FAM169A: variants seen among roughly 807,000 people sequenced by gnomAD.
The protein encoded by FAM169A is soluble lamin-associated protein of 75 kDa.
A neutral mutation model predicts 75.7 loss-of-function variants in FAM169A; 24 were observed. The ratio of observed to expected loss-of-function variants is 0.32; its 90% CI spans 0.23 to 0.45. The LOEUF (loss-of-function observed/expected upper bound fraction) is 0.45. Among genes scored for constraint, FAM169A ranks in the 20% least tolerant of loss-of-function variants. The probability of loss-of-function intolerance (pLI) is 1.00; values close to 1 mark genes in which losing one functional copy is unlikely to be tolerated. For missense variants in FAM169A, 673 were observed against 784.0 expected (o/e 0.86, Z 1.69); for synonymous variants, 271 against 271.0 (o/e 1.00, Z 0.00).
At chr5:74,829,520 T>C (rs1748201940) in intron 5 of FAM169A, among the ~76,000 whole-genome samples, 1 of 152,122 alleles carries the variant, frequency 6.6e-6, no homozygotes, top group South Asian at 2.1e-4. Context: ...ATAGCAAGAT[T>C]TCCTTCCTTA....
rs765403803 is a variant in FAM169A at position 74,781,964 on chromosome 5, T to C, written c.1509A>G (p.Thr503=). ...PDSEMLMDEG[T]SDEKGHMEEK... ...CTTCCATGTGCCCCTTTTCATCAGA[T>C]GTGCCTTCATCCATCAACATTTCTG... The change falls in exon 13 of 13, where the codon ACA becomes ACG. Residue 503 remains threonine, a synonymous_variant. Coordinates refer to ENST00000687041, the MANE Select transcript of FAM169A (RefSeq NM_001376049.1). 6.2e-7 allele frequency: 1 copy of C among 1,614,030 alleles called. No individual in the cohort carries two copies. The highest frequency in any genetic ancestry group is 1.1e-5 in the South Asian group (1 of 91,082).
intron 5 of FAM169A, among the ~76,000 whole-genome samples, chr5:74,828,486 C>G (rs759428456): frequency 2.6e-4 from 40 of 152,096 alleles, no homozygotes; most frequent in Non-Finnish European, 5.1e-4. Context: ...ATGTTGCCAC[C>G]ATACCTGAAA....
At chr5:74,832,310 T>C (rs1456608306) in intron 5 of FAM169A, among the ~76,000 whole-genome samples, 1 of 151,864 alleles carries the variant, frequency 6.6e-6, no homozygotes, top group African/African-American at 2.4e-5. Context: ...ACAAACAAAC[T>C]GTAAGTCTCT....
chr5:74,792,617 C>G (rs1214494167), intron 11 of FAM169A, among the ~76,000 whole-genome samples: 1 of 152,132 alleles, frequency 6.6e-6, no homozygotes, highest in East Asian at 1.9e-4. Context: ...ATAAACTCCC[C>G]TTTATATACA....
intron 6 of FAM169A, among the ~76,000 whole-genome samples, chr5:74,812,386 T>TA (rs914672383): frequency 4.0e-5 from 6 of 151,536 alleles, no homozygotes; most frequent in Admixed American, 3.3e-4. Flanking sequence ...CTCGGGCTCC[T>TA]AAAGTGCTAG....
At chr5:74,852,136 A>T (rs1280669329) in intron 1 of FAM169A, among the ~76,000 whole-genome samples, 1 of 152,218 alleles carries the variant, frequency 6.6e-6, no homozygotes, top group Non-Finnish European at 1.5e-5. Context: ...CTGCTGAGTC[A>T]CAATCCCCAT....
At chr5:74,798,762 T>C (rs1326145974) in intron 10 of FAM169A, among the ~76,000 whole-genome samples, 1 of 152,206 alleles carries the variant, frequency 6.6e-6, no homozygotes, top group African/African-American at 2.4e-5. Flanking sequence ...AAGTGTTCTG[T>C]TGATTCAGTT....
intron 1 of FAM169A, among the ~76,000 whole-genome samples, chr5:74,845,523 A>C (rs933011678): frequency 1.3e-5 from 2 of 152,310 alleles, no homozygotes; most frequent in East Asian, 3.9e-4. Flanking sequence ...GTCTCAAAAA[A>C]TACAAATAAA....
chr5:74,847,612 C>T (rs896945859), intron 1 of FAM169A, among the ~76,000 whole-genome samples: 2 of 152,032 alleles, frequency 1.3e-5, no homozygotes, highest in Admixed American at 6.6e-5. Context: ...ATTAAATTTC[C>T]TATAATTTAA....
intron 5 of FAM169A, among the ~76,000 whole-genome samples, chr5:74,824,017 G>A (rs1350885594): frequency 6.6e-6 from 1 of 152,174 alleles, no homozygotes; most frequent in Admixed American, 6.5e-5. Flanking sequence ...ATAGCCCCTA[G>A]TAAAAGGTCT....
chr5:74,788,753 A>G (rs1356162664), intron 11 of FAM169A, among the ~76,000 whole-genome samples: 1 of 152,022 alleles, frequency 6.6e-6, no homozygotes, highest in Non-Finnish European at 1.5e-5. Context: ...ACAATATCGC[A>G]TCCCTGGAGG....
chr5:74,807,428 G>A (rs1185790721), intron 6 of FAM169A, among the ~76,000 whole-genome samples: 1 of 152,176 alleles, frequency 6.6e-6, no homozygotes, highest in Admixed American at 6.5e-5. Context: ...CCACTGCCCA[G>A]CTTCATGAGA....
In FAM169A at chr5:74,778,436, A is replaced by G. The variant is rs1745231231; in HGVS notation, c.*3024T>C. 1 of 152,026 alleles carries G rather than the reference A, an allele frequency of 6.6e-6. No homozygotes were observed. The highest frequency in any genetic ancestry group is 2.1e-4 in the South Asian group (1 of 4,830). 9.4% of individuals were successfully genotyped at this position (152,026 alleles called of 1,614,324 possible). On this transcript the variant is annotated 3_prime_UTR_variant, in exon 13 of 13. Coordinates refer to ENST00000687041, the MANE Select transcript of FAM169A (RefSeq NM_001376049.1). ...GCAATCATAAACCTTCAAGATTTCTAGTCACTGAAACCCCATTGTAGGTAG... is the reference window on the plus strand; with the variant it reads ...GCAATCATAAACCTTCAAGATTTCTGGTCACTGAAACCCCATTGTAGGTAG...
At chr5:74,823,494 G>A (rs1255226186) in intron 5 of FAM169A, among the ~76,000 whole-genome samples, 2 of 152,094 alleles carry the variant, frequency 1.3e-5, no homozygotes, top group East Asian at 3.8e-4. Context: ...TTACAAAACT[G>A]AATTTTGATT....
Position 74,836,297 on chromosome 5 carries a change from TA to T in FAM169A, c.319-1701del, listed in dbSNP as rs1748570054. On this transcript the variant is annotated intron_variant, in intron 4 of 12. Coordinates refer to ENST00000687041, the MANE Select transcript of FAM169A (RefSeq NM_001376049.1). ...TATAGGTATTACATTTCTCCCTATT[TA>T]ATTTTATTATGTTAGATCTTTCTCT... Among the ~76,000 whole-genome samples, 4 of 151,858 alleles carry T rather than the reference TA, an allele frequency of 2.6e-5. No homozygotes were observed. In the South Asian group the frequency reaches 8.3e-4, roughly 31 times the overall value.
intron 11 of FAM169A, among the ~76,000 whole-genome samples, chr5:74,788,242 G>A (rs181391449): frequency 2.3e-3 from 344 of 152,274 alleles, no homozygotes; most frequent in African/African-American, 8.0e-3. Context: ...GGTCCAGTGG[G>A]TCCCCGGACT....
chr5:74,796,168 G>A lies in FAM169A; in HGVS notation c.1122C>T (p.Arg374=), dbSNP rs1746264224. 1.2e-6 allele frequency: 2 copies of A among 1,610,798 alleles called. No individual in the cohort carries two copies. Among genetic ancestry groups the A allele is most frequent in the South Asian group, 1.1e-5 (1 of 89,870 alleles). ...GGAATTCTTCTGAGCTCTCTGATGG[G>A]CGTGCAGTAGACTCCAATCTAAAAA... The part of the protein sequence containing the change: ...ASINKLESTA[R]PSESSEEFLE... Residue 374 remains arginine, a synonymous_variant, in exon 11 of 13, where the codon CGC becomes CGT. Transcript: ENST00000687041.
intron 6 of FAM169A, among the ~76,000 whole-genome samples, chr5:74,808,815 T>C (rs112938170): frequency 2.8e-4 from 42 of 152,266 alleles, no homozygotes; most frequent in African/African-American, 9.9e-4. Context: ...AGAACATCAA[T>C]TGTATCTTTT....
chr5:74,862,521 G>C (rs939120405), intron 1 of FAM169A, among the ~76,000 whole-genome samples: 2 of 152,210 alleles, frequency 1.3e-5, no homozygotes, highest in East Asian at 3.8e-4. Context: ...CACTCAGACA[G>C]AATTAATGCA....
Sources: gnomAD v4.1 joint callset for allele counts (sites outside exome capture counted in the v4.1 genomes callset) on GRCh38, gnomAD v4.1.1 for gene constraint, MANE v1.5 for transcripts, NCBI Gene and HGNC (gene_info 2026-07-23, HGNC 2026-07-21) for gene names.